LRPPRC: variants seen among roughly 807,000 people sequenced by gnomAD.
The protein encoded by LRPPRC is leucine rich pentatricopeptide repeat containing, also known as leucine-rich PPR motif-containing protein, mitochondrial.
LRPPRC carries 120 observed loss-of-function variants against 180.3 expected under a neutral mutation model. The ratio of observed to expected loss-of-function variants is 0.67; its 90% CI spans 0.57 to 0.77. LRPPRC has a LOEUF of 0.77. Among genes scored for constraint, LRPPRC ranks in the 30% least tolerant of loss-of-function variants. LRPPRC has a pLI of 0.00. For missense variants in LRPPRC, 2,012 were observed against 1,657.2 expected (o/e 1.21, Z -3.72); for synonymous variants, 723 against 600.0 (o/e 1.21, Z -3.00).
Position 43,995,902 on chromosome 2 carries a change from C to T in LRPPRC, c.46G>A (p.Ala16Thr), listed in dbSNP as rs769334021. The T allele has an allele frequency of 6.6e-7, 1 of 1,515,154 alleles. No individual in the cohort carries two copies. Among genetic ancestry groups the T allele is most frequent in the Non-Finnish European group, 8.8e-7 (1 of 1,139,210 alleles). The allele number at this position is 1,515,154 out of a possible 1,614,324, so 93.9% of individuals were successfully genotyped here. A position where few individuals can be genotyped will look rare whatever the true frequency, so the allele number is the denominator to read the frequency against. The change falls in exon 1 of 38, where the codon GCG becomes ACG. Residue 16 changes from alanine (A) to threonine (T), a missense_variant. Ala to Thr is a moderately conservative substitution (Grantham distance 58). Coordinates refer to ENST00000260665, the MANE Select transcript of LRPPRC (RefSeq NM_133259.4). ...AGGGAGAGCGGGAGGCGCGGGGCCGCCCCGGCACGCAGCAACCAACGCGCG... is the reference window on the plus strand; with the variant it reads ...AGGGAGAGCGGGAGGCGCGGGGCCGTCCCGGCACGCAGCAACCAACGCGCG... ...RSARWLLRAGAAPRLPLSLRL... is the reference protein window; with the variant it reads ...RSARWLLRAGTAPRLPLSLRL...
intron 29 of LRPPRC, among the ~76,000 whole-genome samples, chr2:43,914,919 C>G (rs116025922): frequency 0.015 from 2,203 of 151,052 alleles, 52 homozygotes; most frequent in African/African-American, 0.049. Context: ...CAAAGCTTCA[C>G]CAGAGGACGG....
intron 1 of LRPPRC, among the ~76,000 whole-genome samples, chr2:43,992,060 A>G (rs1674805149): frequency 6.6e-6 from 1 of 152,256 alleles, no homozygotes; most frequent in South Asian, 2.1e-4. Flanking sequence ...ACTTACAGCC[A>G]GCTCCAGAGT....
At chr2:43,940,001 C>G (rs1455539968) in intron 23 of LRPPRC, among the ~76,000 whole-genome samples, 2 of 152,198 alleles carry the variant, frequency 1.3e-5, no homozygotes, top group African/African-American at 4.8e-5. Context: ...AGAAAAAACC[C>G]TACTGCACAC....
chr2:43,982,612 C>A (rs1363916453), intron 1 of LRPPRC, among the ~76,000 whole-genome samples, 178 bp from the exon 2 acceptor site: 2 of 152,130 alleles, frequency 1.3e-5, no homozygotes, highest in Non-Finnish European at 2.9e-5. Context: ...TAGATAAAAT[C>A]ATATACACAC....
chr2:43,988,947 G>C (rs1332331951), intron 1 of LRPPRC, among the ~76,000 whole-genome samples: 3 of 151,972 alleles, frequency 2.0e-5, no homozygotes, highest in African/African-American at 7.3e-5. Flanking sequence ...ATGGCTCACT[G>C]CAGCTTTGAA....
Position 43,984,336 on chromosome 2 carries a change from G to A in LRPPRC, c.150-1902C>T, listed in dbSNP as rs189998254. ...TGCAAATCTGATAAACTGTTAAAGA[G>A]CAAAAATAAAACTTCCGCTACAGGA... On this transcript the variant is annotated intron_variant, in intron 1 of 37. Transcript: ENST00000260665. Among the ~76,000 whole-genome samples the A allele has an allele frequency of 6.6e-5, 10 of 152,170 alleles. No individual in the cohort carries two copies. The East Asian group carries it at 1.9e-3, about 29-fold the overall frequency.
In LRPPRC at chr2:43,934,227, T is replaced by C. The variant is rs754244488; in HGVS notation, c.2699A>G (p.Gln900Arg). ...CTTGGCCTCTTTGTAATTTCCTGTT[T>C]GTAGGAAGGCAAAGAAGAGATCATA... is the stretch of plus-strand genomic sequence containing the variant. The part of the protein sequence containing the change: ...MLYDLFFAFL[Q>R]TGNYKEAKKI... Residue 900 changes from glutamine (Q) to arginine (R), a missense_variant, in exon 25 of 38, where the codon CAA (glutamine) becomes CGA (arginine). By Grantham distance (43) the Gln-to-Arg change is conservative. Coordinates refer to ENST00000260665, the MANE Select transcript of LRPPRC (RefSeq NM_133259.4). 1.2e-6 allele frequency: 2 copies of C among 1,611,996 alleles called. No homozygotes were observed. Among genetic ancestry groups the C allele is most frequent in the Non-Finnish European group, 1.7e-6 (2 of 1,178,444 alleles).
intron 29 of LRPPRC, 127 bp downstream of exon 29, chr2:43,917,898 G>A: frequency 1.5e-6 from 1 of 672,582 alleles, no homozygotes; most frequent in Admixed American, 2.9e-5. Flanking sequence ...AAGGGGACAA[G>A]AAATATGTAA....
At chr2:43,992,489 C>T (rs1021261835) in intron 1 of LRPPRC, among the ~76,000 whole-genome samples, 1 of 152,150 alleles carries the variant, frequency 6.6e-6, no homozygotes, top group Non-Finnish European at 1.5e-5. Flanking sequence ...TCATAAAGCA[C>T]CTGTGCTAAA....
intron 11 of LRPPRC, among the ~76,000 whole-genome samples, chr2:43,972,221 T>G (rs1465397124): frequency 6.6e-6 from 1 of 152,216 alleles, no homozygotes; most frequent in East Asian, 1.9e-4. Flanking sequence ...TGGCCCTCAG[T>G]TCCTTCATTC....
chr2:43,920,816 G>C (rs189257142), intron 27 of LRPPRC, among the ~76,000 whole-genome samples: 22 of 152,220 alleles, frequency 1.4e-4, no homozygotes, highest in Non-Finnish European at 2.9e-4. Context: ...ATACTGCTAA[G>C]GACCTTTAAA....
At chr2:43,952,320 G>T (rs1001002338) in intron 14 of LRPPRC, among the ~76,000 whole-genome samples, 1 of 152,046 alleles carries the variant, frequency 6.6e-6, no homozygotes, top group Non-Finnish European at 1.5e-5. Context: ...ATGACTAAAA[G>T]CACTACCTTG....
At chr2:43,953,103 T>G in intron 14 of LRPPRC, among the ~76,000 whole-genome samples, 1 of 152,204 alleles carries the variant, frequency 6.6e-6, no homozygotes, top group Non-Finnish European at 1.5e-5. Context: ...TGAAAAACCC[T>G]TCCCTTCCCC....
At chr2:43,911,097 GCTCA>G (rs1425691461) in intron 30 of LRPPRC, among the ~76,000 whole-genome samples, 2 of 151,498 alleles carry the variant, frequency 1.3e-5, no homozygotes, top group Non-Finnish European at 2.9e-5. Context: ...ACAGGATACT[GCTCA>G]CTGTCAAATT....
chr2:43,935,495 A>G (rs150104700), intron 23 of LRPPRC, among the ~76,000 whole-genome samples: 7 of 152,378 alleles, frequency 4.6e-5, no homozygotes, highest in Admixed American at 3.9e-4. Flanking sequence ...GAATTCTAGA[A>G]GAATTCTAAA....
rs57494476 is a variant in LRPPRC at position 43,887,143 on chromosome 2, CAAA to C, written c.*1454_*1456del. 7.9e-4 allele frequency: 58 copies of C among 73,198 alleles called. 2 individuals are homozygous for C. The highest frequency in any genetic ancestry group is 1.8e-3 in the African/African-American group (40 of 21,996). The allele number at this position is 73,198 out of a possible 1,614,324, so 4.5% of individuals were successfully genotyped here. A position where few individuals can be genotyped will look rare whatever the true frequency, so the allele number is the denominator to read the frequency against. ...CTTAAGCAACAGAGCAAGACTATCT[CAAA>C]AAAAAAAAAAAAAAAAAAGATGCTT... On this transcript the variant is annotated 3_prime_UTR_variant, in exon 38 of 38. Transcript: ENST00000260665.
chr2:43,948,275 T>C (rs1053537744), intron 17 of LRPPRC, 76 bp from the exon 18 acceptor site: 1 of 969,928 alleles, frequency 1.0e-6, no homozygotes. Context: ...ACAGAAATTA[T>C]CTCAGACATA....
intron 6 of LRPPRC, 31 bp from the exon 7 acceptor site, chr2:43,975,248 T>C (rs1267608648): frequency 1.9e-6 from 3 of 1,598,450 alleles, no homozygotes; most frequent in Admixed American, 3.3e-5. Flanking sequence ...CAGATTATTA[T>C]GCTTTTGCCA....
chr2:43,924,940 C>T (rs759231096), intron 27 of LRPPRC, 127 bp downstream of exon 27: 22 of 718,202 alleles, frequency 3.1e-5, no homozygotes, highest in African/African-American at 5.2e-5. Flanking sequence ...TAGCCTCTAC[C>T]TGAGCCTCTG....
Sources: gnomAD v4.1 joint callset for allele counts (sites outside exome capture counted in the v4.1 genomes callset) on GRCh38, gnomAD v4.1.1 for gene constraint, MANE v1.5 for transcripts, NCBI Gene and HGNC (gene_info 2026-07-23, HGNC 2026-07-21) for gene names.